The following ATP5PD variants were observed in gnomAD, a reference collection of about 807,000 sequenced individuals.
The protein encoded by ATP5PD is ATP synthase peripheral stalk subunit d, mitochondrial.
Under a neutral mutation model 22.6 loss-of-function variants are expected in ATP5PD, and 13 were observed. That is an observed-to-expected ratio of 0.58 (90% confidence interval 0.37 to 0.91). The LOEUF (loss-of-function observed/expected upper bound fraction) is 0.91. ATP5PD is among the 40% of genes least tolerant of loss of function. The probability of loss-of-function intolerance (pLI) is 0.00; values close to 1 mark genes in which losing one functional copy is unlikely to be tolerated. For synonymous variants in ATP5PD, 51 were observed against 65.0 expected, an observed-to-expected ratio of 0.79 and a Z score of 1.03; for missense variants, 165 against 188.0, an observed-to-expected ratio of 0.88 and a Z score of 0.72.
chr17:75,040,512 TC>T (rs1366779932), intron 3 of ATP5PD: 7 of 283,744 alleles, frequency 2.5e-5, no homozygotes, highest in African/African-American at 1.6e-4. Flanking sequence ...GTAAAGAAAT[TC>T]TGATTTCTCT....
intron 1 of ATP5PD, among the ~76,000 whole-genome samples, chr17:75,043,907 G>A (rs2073185614): frequency 1.3e-5 from 2 of 148,686 alleles, no homozygotes; most frequent in Non-Finnish European, 3.0e-5. Flanking sequence ...ACAGCAACTT[G>A]CTCCAGAGTT....
rs770777319 is a variant in ATP5PD, at chr17:75,040,122, A to C, written c.261T>G (p.Thr87=). Residue 87 remains threonine (T), a synonymous_variant, in exon 4 of 6, where the codon ACT becomes ACG. Coordinates refer to ENST00000301587, the MANE Select transcript of ATP5PD (RefSeq NM_006356.3). ...CTTTTTCTTCGGCATCCACCTGGGC[A>C]GTATATTTATCCTCTGGCACGGGAA... The part of the protein sequence containing the change: ...LKVPVPEDKY[T]AQVDAEEKED... 7.9e-5 allele frequency: 127 copies of C among 1,613,058 alleles called. No homozygotes were observed. Among genetic ancestry groups the C allele is most frequent in the Non-Finnish European group, 1.0e-4 (123 of 1,180,024 alleles).
intron 1 of ATP5PD, among the ~76,000 whole-genome samples, chr17:75,043,196 G>A (rs1190844285): frequency 6.6e-6 from 1 of 152,226 alleles, no homozygotes; most frequent in Non-Finnish European, 1.5e-5. Context: ...ACCCTAGCCT[G>A]GGCAACACAG....
intron 4 of ATP5PD, 120 bp from the exon 5 acceptor site, chr17:75,039,391 G>A: frequency 1.2e-6 from 1 of 851,208 alleles, no homozygotes; most frequent in Non-Finnish European, 1.9e-6. Context: ...AGAAACTGTG[G>A]TTACCCTGAG....
rs1452075784 is a variant in ATP5PD at position 75,042,597 on chromosome 17, C to G, written c.54G>C (p.Glu18Asp). 6.2e-7 allele frequency: 1 copy of G among 1,613,200 alleles called. No homozygotes were observed. The highest frequency in any genetic ancestry group is 1.1e-5 in the South Asian group (1 of 90,956). Reference sequence around the variant, plus strand: ...TGGCCTTTTGGTTCTGGGGTATGATCTCTGCAAAAGCTACCCAGTCAATGG... The same window carrying G: ...TGGCCTTTTGGTTCTGGGGTATGATGTCTGCAAAAGCTACCCAGTCAATGG... ...LKTIDWVAFAEIIPQNQKAIA... is the reference protein window; with the variant it reads ...LKTIDWVAFADIIPQNQKAIA... The change falls in exon 2 of 6, where the codon GAG becomes GAC. Residue 18 changes from glutamate to aspartate, a missense_variant. Physicochemically the swap from Glu to Asp is conservative, Grantham distance 45 (BLOSUM62 2). Coordinates refer to ENST00000301587, the MANE Select transcript of ATP5PD (RefSeq NM_006356.3).
At chr17:75,039,103 G>A (rs768947436) in intron 5 of ATP5PD, 40 bp from the exon 6 acceptor site, 2 of 1,612,440 alleles carry the variant, frequency 1.2e-6, no homozygotes, top group Non-Finnish European at 1.7e-6. Context: ...TGTAAACAGA[G>A]ACGGAAAGCA....
chr17:75,039,508 T>G, intron 4 of ATP5PD: 1 of 510,144 alleles, frequency 2.0e-6, no homozygotes. Context: ...CTTCTGCAAG[T>G]TCCTCATCCG....
Position 75,039,008 on chromosome 17 carries a change from T to C in ATP5PD, c.410A>G (p.Asn137Ser). 6.2e-7 allele frequency: 1 copy of C among 1,614,166 alleles called. No homozygotes were observed. The stretch of plus-strand genomic sequence containing the variant: ...TAATTTGGTTTCTGGGAAAGCTTCA[T>C]TCAAGTCCTCAATGGTCATCTGATC... ...PFDQMTIEDLNEAFPETKLDK... is the reference protein window; with the variant it reads ...PFDQMTIEDLSEAFPETKLDK... Residue 137 changes from asparagine (N) to serine (S), a missense_variant, in exon 6 of 6, where the codon AAT becomes AGT. Physicochemically the swap from Asn to Ser is conservative, Grantham distance 46. Coordinates refer to ENST00000301587, the MANE Select transcript of ATP5PD (RefSeq NM_006356.3).
At position 75,046,947 on chromosome 17, in the gene ATP5PD, C is replaced by T. The variant is rs984427386; in HGVS notation, c.-32G>A. On this transcript the variant is annotated 5_prime_UTR_variant, in exon 1 of 6. It adds an upstream start codon to the 5' untranslated region. Coordinates refer to ENST00000301587, the MANE Select transcript of ATP5PD (RefSeq NM_006356.3). ...CACCTTCACCGACCCTGGCTGCCCA[C>T]GGTCCTCCGCAGCAAGTAACGGAAG... is the stretch of plus-strand genomic sequence containing the variant. 3.1e-5 allele frequency: 5 copies of T among 163,698 alleles called. No individual in the cohort carries two copies. Among genetic ancestry groups the T allele is most frequent in the Non-Finnish European group, 6.6e-5 (5 of 75,788 alleles). 10.1% of individuals were successfully genotyped at this position (163,698 alleles called of 1,614,324 possible).
At chr17:75,041,024 G>A (rs1228200235) in intron 3 of ATP5PD, 2 of 152,092 alleles carry the variant, frequency 1.3e-5, no homozygotes, top group Non-Finnish European at 2.9e-5. Context: ...AATATCAGAG[G>A]AGGATAGATG....
At position 75,038,873 on chromosome 17, in the gene ATP5PD, T is replaced by G; in HGVS notation, c.*59A>C. ...AAGCACACCCAGAACTGTATAATTA[T>G]TATTTTTAATGTCCAGAATGTGTAA... On this transcript the variant is annotated 3_prime_UTR_variant, in exon 6 of 6. Coordinates refer to ENST00000301587, the MANE Select transcript of ATP5PD (RefSeq NM_006356.3). The G allele has an allele frequency of 6.5e-7, 1 of 1,545,156 alleles. No homozygotes were observed. The highest frequency in any genetic ancestry group is 1.2e-5 in the South Asian group (1 of 82,774).
chr17:75,043,715 C>G (rs913813641), intron 1 of ATP5PD, among the ~76,000 whole-genome samples: 2 of 151,724 alleles, frequency 1.3e-5, no homozygotes, highest in Non-Finnish European at 2.9e-5. Flanking sequence ...TTAATAAAGA[C>G]ATTTCCACCC....
chr17:75,044,691 A>G (rs2073195531), intron 1 of ATP5PD, among the ~76,000 whole-genome samples: 1 of 152,224 alleles, frequency 6.6e-6, no homozygotes, highest in Non-Finnish European at 1.5e-5. Flanking sequence ...AAAAATACAG[A>G]AAACGACTAC....
rs762038335 is a variant in ATP5PD, at chr17:75,039,010, C to G, written c.408G>C (p.Leu136Phe). ...ATTTGGTTTCTGGGAAAGCTTCATT[C>G]AAGTCCTCAATGGTCATCTGATCAA... Reference protein sequence around the residue: ...IPFDQMTIEDLNEAFPETKLD... With the variant: ...IPFDQMTIEDFNEAFPETKLD... The change falls in exon 6 of 6, where the codon TTG becomes TTC. Residue 136 changes from leucine (L) to phenylalanine (F), a missense_variant. Transcript: ENST00000301587. 6.1e-5 allele frequency: 98 copies of G among 1,614,136 alleles called. 1 individual carries two copies. The South Asian group carries it at 1.0e-3, about 17-fold the overall frequency.
At chr17:75,046,025 CTGTT>C (rs992949849) in intron 1 of ATP5PD, among the ~76,000 whole-genome samples, 4 of 152,362 alleles carry the variant, frequency 2.6e-5, no homozygotes, top group African/African-American at 9.6e-5. Context: ...GCCGGTCTCT[CTGTT>C]TGGGGTCCCT....
In ATP5PD at chr17:75,042,254, G is replaced by A. The variant is rs2073169138; in HGVS notation, c.146C>T (p.Pro49Leu). ...TSRLAALPEN[P>L]PAIDWAYYKA... ...GTAGTAAGCCCAGTCGATAGCTGGTGGATTCTCAGGTAAAGCAGCCAACCT... is the reference window on the plus strand; with the variant it reads ...GTAGTAAGCCCAGTCGATAGCTGGTAGATTCTCAGGTAAAGCAGCCAACCT... Residue 49 changes from proline (P) to leucine (L), a missense_variant, in exon 3 of 6, where the codon CCA becomes CTA. By Grantham distance (98) the Pro-to-Leu change is moderately conservative. Transcript: ENST00000301587. 3 of 1,614,148 alleles carry A rather than the reference G, an allele frequency of 1.9e-6. No homozygotes were observed. Among genetic ancestry groups the A allele is most frequent in the East Asian group, 2.2e-5 (1 of 44,888 alleles).
chr17:75,044,023 CTTT>C (rs11312083), intron 1 of ATP5PD, among the ~76,000 whole-genome samples: 25 of 127,700 alleles, frequency 2.0e-4, no homozygotes, highest in African/African-American at 4.5e-4. Flanking sequence ...ACGTTGTGCA[CTTT>C]TTTTTTTTTT....
chr17:75,046,562 G>A (rs1352656002), intron 1 of ATP5PD, among the ~76,000 whole-genome samples: 1 of 152,208 alleles, frequency 6.6e-6, no homozygotes, highest in Non-Finnish European at 1.5e-5. Context: ...GCGCAGCCCC[G>A]CAGCCAGCTG....
rs755133151 is a variant in ATP5PD, at chr17:75,039,287, G to A, written c.292-16C>T. On this transcript the variant is annotated splice_polypyrimidine_tract_variant and intron_variant, in intron 4 of 5. Coordinates refer to ENST00000301587, the MANE Select transcript of ATP5PD (RefSeq NM_006356.3). Reference sequence around the variant, plus strand: ...AAGATTTCACCTTTAAGAAGAAAGAGAAATTCAGTTCTGAAACCAGGCTGC... The same window carrying A: ...AAGATTTCACCTTTAAGAAGAAAGAAAAATTCAGTTCTGAAACCAGGCTGC... 1.2e-6 allele frequency: 2 copies of A among 1,613,372 alleles called. No individual in the cohort carries two copies. Among genetic ancestry groups the A allele is most frequent in the Non-Finnish European group, 1.7e-6 (2 of 1,179,470 alleles).
Sources: allele counts gnomAD v4.1 joint callset (sites outside exome capture counted in the v4.1 genomes callset), GRCh38; gene constraint gnomAD v4.1.1; transcripts MANE v1.5; gene names NCBI Gene and HGNC (gene_info 2026-07-23, HGNC 2026-07-21).